Variants in PRKCA observed in about 807,000 individuals in gnomAD.
The protein encoded by PRKCA is protein kinase C alpha.
Under a neutral mutation model 87.0 loss-of-function variants are expected in PRKCA, and 27 were observed. The ratio of observed to expected loss-of-function variants is 0.31; its 90% CI spans 0.23 to 0.43. PRKCA has a LOEUF of 0.43. Among genes scored for constraint, PRKCA ranks in the 20% least tolerant of loss-of-function variants. The probability of loss-of-function intolerance (pLI) is 1.00; values close to 1 mark genes in which losing one functional copy is unlikely to be tolerated. For synonymous variants in PRKCA, 329 were observed against 311.1 expected, an observed-to-expected ratio of 1.06 and a Z score of -0.61; for missense variants, 518 against 852.3, an observed-to-expected ratio of 0.61 and a Z score of 4.88.
intron 2 of PRKCA, among the ~76,000 whole-genome samples, chr17:66,400,474 C>G (rs1910957787): frequency 6.6e-6 from 1 of 152,168 alleles, no homozygotes; most frequent in Admixed American, 6.5e-5. Flanking sequence ...CCTTTTGAAA[C>G]AGACCTCCAG....
At chr17:66,442,064 C>CTTTTTTT (rs137893356) in intron 2 of PRKCA, among the ~76,000 whole-genome samples, 1 of 147,492 alleles carries the variant, frequency 6.8e-6, no homozygotes, top group African/African-American at 2.6e-5. Context: ...TAGTCTCTCT[C>CTTTTTTT]TCTTTTTTTT....
At chr17:66,660,618 G>A (rs1020151078) in intron 5 of PRKCA, among the ~76,000 whole-genome samples, 5 of 152,112 alleles carry the variant, frequency 3.3e-5, no homozygotes, top group Admixed American at 6.6e-5. Context: ...GGCCGGGCGC[G>A]ATGGCTCACG....
intron 5 of PRKCA, among the ~76,000 whole-genome samples, chr17:66,679,187 TTTTTTTTC>T (rs1188106800): frequency 3.3e-5 from 5 of 150,272 alleles, no homozygotes; most frequent in Non-Finnish European, 5.9e-5. Flanking sequence ...TTTTTTTTTT[TTTTTTTTC>T]TTTGAGACAG....
At chr17:66,545,389 A>T (rs1598756134) in intron 3 of PRKCA, among the ~76,000 whole-genome samples, 1 of 152,246 alleles carries the variant, frequency 6.6e-6, no homozygotes, top group South Asian at 2.1e-4. Context: ...AGATTGTGCC[A>T]CTGCACTCCA....
chr17:66,455,460 G>A (rs1914538271), intron 2 of PRKCA, among the ~76,000 whole-genome samples: 1 of 152,096 alleles, frequency 6.6e-6, no homozygotes, highest in Admixed American at 6.5e-5. Context: ...GGAAAATGAT[G>A]GTAAATGCAG....
chr17:66,702,149 TACAC>T (rs921133120), intron 8 of PRKCA, among the ~76,000 whole-genome samples: 19 of 151,488 alleles, frequency 1.3e-4, no homozygotes, highest in East Asian at 5.8e-4. Context: ...TATATATATA[TACAC>T]ACACACATAT....
intron 5 of PRKCA, among the ~76,000 whole-genome samples, chr17:66,667,981 CA>C (rs755604587): frequency 3.3e-5 from 5 of 152,178 alleles, no homozygotes; most frequent in Non-Finnish European, 5.9e-5. Context: ...CACTTACTGC[CA>C]CCTTGGAGAA....
At chr17:66,747,778 G>A (rs1974328787) in intron 13 of PRKCA, among the ~76,000 whole-genome samples, 2 of 152,226 alleles carry the variant, frequency 1.3e-5, no homozygotes, top group Admixed American at 1.3e-4. Flanking sequence ...ACGCAGAATT[G>A]CATTCCAGCT....
Position 66,628,988 on chromosome 17 carries a change from C to T in PRKCA, c.289-12367C>T, listed in dbSNP as rs1163810686. ...AGGTTGCAGTGAGCCAAGATTGTGC[C>T]ATTGCACTCCAGCCTGGGCAACAAG... On this transcript the variant is annotated intron_variant, in intron 3 of 16. Transcript: ENST00000413366. 3.3e-5 allele frequency among the ~76,000 whole-genome samples: 5 copies of T among 152,186 alleles called. No homozygotes were observed. The South Asian group carries it at 8.3e-4, about 25-fold the overall frequency.
chr17:66,718,891 C>T (rs1381614252), intron 8 of PRKCA, among the ~76,000 whole-genome samples: 1 of 152,158 alleles, frequency 6.6e-6, no homozygotes, highest in Non-Finnish European at 1.5e-5. Flanking sequence ...GTTAAAAATT[C>T]CAACTGTGAA....
intron 13 of PRKCA, among the ~76,000 whole-genome samples, chr17:66,757,571 GA>G (rs35540620): frequency 0.37 from 43,162 of 116,792 alleles, 6,649 homozygotes; most frequent in East Asian, 0.61. Flanking sequence ...GCTTTGGGAG[GA>G]AAAAAAAAAA....
At chr17:66,699,210 C>CAAAAAAAAAAAAAAAAAAAAGAAAAA in intron 8 of PRKCA, among the ~76,000 whole-genome samples, 1 of 105,634 alleles carries the variant, frequency 9.5e-6, no homozygotes. Context: ...GACTGTCTCT[C>CAAAAAAAAAAAAAAAAAAAAGAAAAA]AAAAAAAAAA....
At chr17:66,583,594 C>CAA (rs58515241) in intron 3 of PRKCA, among the ~76,000 whole-genome samples, 9,389 of 133,560 alleles carry the variant, frequency 0.07, 365 homozygotes, top group Admixed American at 0.14. Context: ...TTAAATGAAC[C>CAA]AAAAAAAAAA....
At chr17:66,615,480 G>T (rs190409755) in intron 3 of PRKCA, among the ~76,000 whole-genome samples, 3 of 152,240 alleles carry the variant, frequency 2.0e-5, no homozygotes, top group African/African-American at 7.2e-5. Flanking sequence ...TAAACATCCT[G>T]CTTTAGAACT....
intron 2 of PRKCA, among the ~76,000 whole-genome samples, chr17:66,383,985 TGTTATA>T (rs1369220034): frequency 1.3e-5 from 2 of 152,114 alleles, no homozygotes. Flanking sequence ...AAGCCATTAA[TGTTATA>T]GTTAAAATAT....
chr17:66,484,714 T>G (rs1915924282), intron 2 of PRKCA, among the ~76,000 whole-genome samples: 1 of 152,236 alleles, frequency 6.6e-6, no homozygotes, highest in African/African-American at 2.4e-5. Flanking sequence ...ATAAAAACCA[T>G]ATACTCTTCT....
Position 66,465,832 on chromosome 17 carries a change from G to T in PRKCA, c.206-30369G>T, listed in dbSNP as rs547912331. 2.0e-5 allele frequency among the ~76,000 whole-genome samples: 3 copies of T among 152,264 alleles called. No individual in the cohort carries two copies. The South Asian group carries it at 6.2e-4, about 32-fold the overall frequency. On this transcript the variant is annotated intron_variant, in intron 2 of 16. Coordinates refer to ENST00000413366, the MANE Select transcript of PRKCA (RefSeq NM_002737.3). The stretch of plus-strand genomic sequence containing the variant: ...TTCCACCCAAGCAAGGAAATTTATT[G>T]AGGCCAGTAACATTTTAAATGCTTT...
intron 2 of PRKCA, among the ~76,000 whole-genome samples, chr17:66,457,466 T>C (rs947412932): frequency 1.3e-5 from 2 of 152,122 alleles, no homozygotes; most frequent in Non-Finnish European, 2.9e-5. Flanking sequence ...GAGATGCATA[T>C]AGAACACAGC....
intron 2 of PRKCA, among the ~76,000 whole-genome samples, chr17:66,325,487 A>G (rs939970428): frequency 1.6e-4 from 24 of 152,180 alleles, no homozygotes; most frequent in Non-Finnish European, 3.1e-4. Flanking sequence ...GGAAATAACA[A>G]AATACTAGGA....
Sources: allele counts gnomAD v4.1 joint callset (sites outside exome capture counted in the v4.1 genomes callset), GRCh38; gene constraint gnomAD v4.1.1; transcripts MANE v1.5; gene names NCBI Gene and HGNC (gene_info 2026-07-23, HGNC 2026-07-21).